Variants in CASC3 observed in about 807,000 individuals in gnomAD.
CASC3 encodes the protein CASC3 exon junction complex subunit, also known as protein CASC3.
CASC3 carries 30 observed loss-of-function variants against 80.5 expected under a neutral mutation model. That is an observed-to-expected ratio of 0.37 (90% confidence interval 0.28 to 0.51). CASC3 has a LOEUF of 0.51. Among genes scored for constraint, CASC3 ranks in the 20% least tolerant of loss-of-function variants. CASC3 has a pLI of 0.94. For missense variants in CASC3, 824 were observed against 922.2 expected, an observed-to-expected ratio of 0.89 and a Z score of 1.38; for synonymous variants, 312 against 333.6, an observed-to-expected ratio of 0.94 and a Z score of 0.70.
chr17:40,171,514 G>C lies in CASC3; in HGVS notation c.*1109G>C. The C allele has an allele frequency of 1.0e-6, 1 of 988,852 alleles. No individual in the cohort carries two copies. The allele number at this position is 988,852 out of a possible 1,614,324, so 61.3% of individuals were successfully genotyped here. On this transcript the variant is annotated 3_prime_UTR_variant, in exon 14 of 14. Coordinates refer to ENST00000264645, the MANE Select transcript of CASC3 (RefSeq NM_007359.5). ...CGTCTTTCCTGCTACAAGTGTTTTAGATGTTACTACCTTATTTTCCCCGAA... is the reference window on the plus strand; with the variant it reads ...CGTCTTTCCTGCTACAAGTGTTTTACATGTTACTACCTTATTTTCCCCGAA...
At chr17:40,162,928 A>G (rs1380075888) in intron 6 of CASC3, 27 bp downstream of exon 6, 13 of 1,607,022 alleles carry the variant, frequency 8.1e-6, no homozygotes, top group Non-Finnish European at 1.1e-5. Flanking sequence ...ACATAAGACC[A>G]GGCTGGGTAT....
intron 3 of CASC3, among the ~76,000 whole-genome samples, chr17:40,147,284 T>G (rs1426464623): frequency 6.6e-6 from 1 of 152,104 alleles, no homozygotes; most frequent in Non-Finnish European, 1.5e-5. Context: ...TGGGACAGAT[T>G]AGAGAGAGAT....
chr17:40,151,694 C>CA (rs1010260103), intron 3 of CASC3, among the ~76,000 whole-genome samples: 1,674 of 52,234 alleles, frequency 0.032, 35 homozygotes, highest in East Asian at 0.06. Context: ...ACCTTCATCT[C>CA]AAAAAAAAAA....
In CASC3 at chr17:40,140,788, G is replaced by C. The variant is rs565408472; in HGVS notation, c.231+9G>C. The stretch of plus-strand genomic sequence containing the variant: ...CTGAGGAGTCGGAGTGTGTGAGTGC[G>C]CGCAGGCGGGGCGGGGTGGGGACCG... On this transcript the variant is annotated intron_variant, in intron 1 of 13. Transcript: ENST00000264645. 228 of 1,432,120 alleles carry C rather than the reference G, an allele frequency of 1.6e-4. 1 individual carries two copies. The highest frequency in any genetic ancestry group is 2.0e-4 in the Non-Finnish European group (219 of 1,092,592). 88.7% of individuals were successfully genotyped at this position (1,432,120 alleles called of 1,614,324 possible). A position where few individuals can be genotyped will look rare whatever the true frequency, so the allele number is the denominator to read the frequency against.
chr17:40,167,879 G>C lies in CASC3; in HGVS notation c.1681G>C (p.Gly561Arg). 1 of 1,614,178 alleles carries C rather than the reference G, an allele frequency of 6.2e-7. No homozygotes were observed. The highest frequency in any genetic ancestry group is 8.5e-7 in the Non-Finnish European group (1 of 1,180,018). Reference protein sequence around the residue: ...LQFQGPIYTHGDSPAPLPPQG... With the variant: ...LQFQGPIYTHRDSPAPLPPQG... ...GTTCCAGGGACCAATCTATACCCAT[G>C]GTGACAGCCCTGCCCCGCTGCCTCC... Residue 561 changes from glycine to arginine, a missense_variant, in exon 10 of 14, where the codon GGT becomes CGT. Gly to Arg is a moderately radical substitution (Grantham distance 125). Around this residue, in one of 3 missense-constraint regions of CASC3, gnomAD observed 464 missense variants for 506.0 expected, o/e 0.92. Transcript: ENST00000264645.
chr17:40,141,105 A>C (rs1350534087), intron 1 of CASC3, 102 bp from the exon 2 acceptor site: 1 of 1,116,322 alleles, frequency 9.0e-7, no homozygotes, highest in Non-Finnish European at 1.4e-6. Context: ...TCCCTCTCCA[A>C]CCATTTTGTG....
At chr17:40,140,840 G>T in intron 1 of CASC3, 61 bp downstream of exon 1, 1 of 1,094,328 alleles carries the variant, frequency 9.1e-7, no homozygotes, top group East Asian at 2.7e-5. Flanking sequence ...GGGGCGGGGT[G>T]TAGGTGATGC....
chr17:40,166,165 C>A (rs751096882), intron 7 of CASC3, among the ~76,000 whole-genome samples: 32 of 152,146 alleles, frequency 2.1e-4, no homozygotes, highest in Non-Finnish European at 3.5e-4. Flanking sequence ...CTACCTATTA[C>A]CCATTTTGCC....
At chr17:40,141,340 C>A in intron 2 of CASC3, 106 bp downstream of exon 2, 3 of 1,096,512 alleles carry the variant, frequency 2.7e-6, no homozygotes, top group Non-Finnish European at 4.2e-6. Flanking sequence ...GGATTTAGGG[C>A]CACAGAGTGC....
intron 3 of CASC3, among the ~76,000 whole-genome samples, chr17:40,141,859 T>C (rs576083350): frequency 6.6e-6 from 1 of 152,340 alleles, no homozygotes; most frequent in East Asian, 1.9e-4. Flanking sequence ...TATGAGGTTC[T>C]AAATAAGAGA....
intron 7 of CASC3, among the ~76,000 whole-genome samples, chr17:40,166,333 A>T (rs9896339): frequency 0.039 from 5,986 of 152,226 alleles, 400 homozygotes; most frequent in African/African-American, 0.14. Context: ...GAGTCATTTT[A>T]GCCAGAGGAG....
chr17:40,145,738 C>T (rs542673825), intron 3 of CASC3, among the ~76,000 whole-genome samples: 46 of 151,474 alleles, frequency 3.0e-4, no homozygotes, highest in African/African-American at 6.1e-4. Flanking sequence ...AAAAGTGATG[C>T]GATTGGATTT....
chr17:40,149,890 G>A (rs756907194), intron 3 of CASC3, among the ~76,000 whole-genome samples: 2 of 151,924 alleles, frequency 1.3e-5, no homozygotes, highest in Non-Finnish European at 2.9e-5. Flanking sequence ...TTGAGCCTGG[G>A]CGACAGAGCG....
In CASC3 at chr17:40,157,631, C is replaced by T. The variant is rs546062561; in HGVS notation, c.298-4122C>T. Among the ~76,000 whole-genome samples, 16 of 152,048 alleles carry T rather than the reference C, an allele frequency of 1.1e-4. No homozygotes were observed. In the South Asian group the frequency reaches 1.9e-3, roughly 18 times the overall value. On this transcript the variant is annotated intron_variant, in intron 3 of 13. Coordinates refer to ENST00000264645, the MANE Select transcript of CASC3 (RefSeq NM_007359.5). ...TGGAGGTTGCAGTGAGCTGAGATCG[C>T]GCCATTGCACTCCAGCCTGGGCGAC... is the stretch of plus-strand genomic sequence containing the variant.
intron 7 of CASC3, among the ~76,000 whole-genome samples, chr17:40,166,146 G>A (rs1199157428): frequency 6.6e-6 from 1 of 152,148 alleles, no homozygotes; most frequent in Non-Finnish European, 1.5e-5. Flanking sequence ...TAGTTTTAGA[G>A]AGTAAGACCT....
At chr17:40,141,701 G>A in intron 3 of CASC3, 94 bp downstream of exon 3, 1 of 913,442 alleles carries the variant, frequency 1.1e-6, no homozygotes, top group Non-Finnish European at 1.8e-6. Context: ...TGACCTCCGT[G>A]TTTATCCTCT....
rs1988706946 is a variant in CASC3, at chr17:40,141,209, G to A, written c.234G>A (p.Glu78=). The A allele has an allele frequency of 1.2e-6, 2 of 1,613,800 alleles. No homozygotes were observed. The highest frequency in any genetic ancestry group is 1.7e-6 in the Non-Finnish European group (2 of 1,179,776). ...CCATGTCTTCTGCTTTCTTTCAGGAGAGTGAAGATGGCATTGAAGGTGATG... is the reference window on the plus strand; with the variant it reads ...CCATGTCTTCTGCTTTCTTTCAGGAAAGTGAAGATGGCATTGAAGGTGATG... ...GAKSAEESEC[E]SEDGIEGDAV... The change falls in exon 2 of 14, where the codon GAG becomes GAA. Residue 78 remains glutamate, a splice_region_variant and synonymous_variant. Coordinates refer to ENST00000264645, the MANE Select transcript of CASC3 (RefSeq NM_007359.5).
At chr17:40,167,126 T>C in intron 8 of CASC3, 1 of 504,524 alleles carries the variant, frequency 2.0e-6, no homozygotes, top group East Asian at 3.5e-5. Flanking sequence ...CATGCCCAGC[T>C]AATTTTTGTA....
chr17:40,170,350 C>A, intron 13 of CASC3, 97 bp from the exon 14 acceptor site: 2 of 813,264 alleles, frequency 2.5e-6, no homozygotes, highest in Non-Finnish European at 3.0e-6. Flanking sequence ...ACTTAAAACA[C>A]ATTATTTAGA....
Sources: allele counts gnomAD v4.1 joint callset (sites outside exome capture counted in the v4.1 genomes callset), GRCh38; gene constraint gnomAD v4.1.1; regional missense constraint gnomAD v4.1.1; transcripts MANE v1.5; gene names NCBI Gene and HGNC (gene_info 2026-07-23, HGNC 2026-07-21).